NF1: variants seen among roughly 807,000 people sequenced by gnomAD.
NF1 encodes the protein neurofibromin.
In NF1, 122 loss-of-function variants were observed where a neutral mutation model predicts 325.7. The observed-to-expected ratio is 0.37, with a 90% confidence interval of 0.32 to 0.44. The LOEUF (loss-of-function observed/expected upper bound fraction) is 0.44, where lower values mean the gene tolerates loss of function less well. NF1 is among the 20% of genes least tolerant of loss of function. The pLI, the probability that NF1 is intolerant of heterozygous loss-of-function variation, is 1.00. For missense variants in NF1, 2,140 were observed against 3,415.4 expected, an observed-to-expected ratio of 0.63 and a Z score of 9.31; for synonymous variants, 1,091 against 1,186.0, an observed-to-expected ratio of 0.92 and a Z score of 1.65.
Position 31,377,191 on chromosome 17 carries a change from G to A in NF1, c.*3036G>A. ...CAGCCACACAATTTTTTTTAATGCA[G>A]TATATTCACCTGTAAATAGTTTGTG... On this transcript the variant is annotated 3_prime_UTR_variant, in exon 58 of 58. Transcript: ENST00000358273. 4.3e-6 allele frequency: 1 copy of A among 233,228 alleles called. No individual in the cohort carries two copies. Among genetic ancestry groups the A allele is most frequent in the Non-Finnish European group, 8.5e-6 (1 of 117,914 alleles). The allele number at this position is 233,228 out of a possible 1,614,324, so 14.4% of individuals were successfully genotyped here.
At chr17:31,312,222 G>A (rs1489225852) in intron 36 of NF1, among the ~76,000 whole-genome samples, 1 of 152,040 alleles carries the variant, frequency 6.6e-6, no homozygotes, top group African/African-American at 2.4e-5. Flanking sequence ...TTAAAAACAT[G>A]TATGGGACCA....
Position 31,336,310 on chromosome 17 carries a change from T to C in NF1, c.6007-23T>C, listed in dbSNP as rs2151553052. On this transcript the variant is annotated intron_variant, in intron 40 of 57. Transcript: ENST00000358273. This position sits in a 1 kb window ranked among gnomAD's most constrained non-coding sequence, Gnocchi z 5.5. Reference sequence around the variant, plus strand: ...TAAATTGGTAGAGTGATTAAAAACATGTTATTTTCCTTCTTCAACTAGATT... The same window carrying C: ...TAAATTGGTAGAGTGATTAAAAACACGTTATTTTCCTTCTTCAACTAGATT... 1 of 1,612,202 alleles carries C rather than the reference T, an allele frequency of 6.2e-7. No homozygotes were observed. Among genetic ancestry groups the C allele is most frequent in the Non-Finnish European group, 8.5e-7 (1 of 1,178,404 alleles).
At chr17:31,169,701 A>G (rs1362672300) in intron 4 of NF1, among the ~76,000 whole-genome samples, 190 bp from the exon 5 acceptor site, 1 of 152,010 alleles carries the variant, frequency 6.6e-6, no homozygotes, top group Non-Finnish European at 1.5e-5. Flanking sequence ...GTGTGCCATC[A>G]TGCCCAGCTA....
At chr17:31,264,250 T>A (rs899034144) in intron 35 of NF1, among the ~76,000 whole-genome samples, 6 of 151,674 alleles carry the variant, frequency 4.0e-5, no homozygotes, top group Admixed American at 1.3e-4. Context: ...TAAATAAATA[T>A]ATATATATGA....
At chr17:31,367,324 C>T in intron 57 of NF1, 1 of 1,197,258 alleles carries the variant, frequency 8.4e-7, no homozygotes. Context: ...CTGCTTACCC[C>T]ACACTCATCC....
intron 36 of NF1, among the ~76,000 whole-genome samples, chr17:31,271,529 A>G (rs2067896535): frequency 6.6e-6 from 1 of 152,200 alleles, no homozygotes; most frequent in Non-Finnish European, 1.5e-5. Flanking sequence ...AGGCGGGTAG[A>G]TCCCCTGAAG....
chr17:31,195,334 G>T (rs765579551), intron 8 of NF1, among the ~76,000 whole-genome samples: 2 of 151,924 alleles, frequency 1.3e-5, no homozygotes, highest in Non-Finnish European at 2.9e-5. Context: ...TTTTATTTGA[G>T]CTCCCTTATG....
intron 36 of NF1, among the ~76,000 whole-genome samples, chr17:31,283,199 C>T (rs986243228): frequency 2.6e-5 from 4 of 151,980 alleles, no homozygotes; most frequent in Non-Finnish European, 5.9e-5. Context: ...GGGCGGATCA[C>T]GAGGTCAGGA....
intron 1 of NF1, among the ~76,000 whole-genome samples, chr17:31,102,307 A>C (rs766351262): frequency 3.9e-5 from 6 of 151,962 alleles, no homozygotes; most frequent in Non-Finnish European, 8.8e-5. Flanking sequence ...TGAAAAGTCT[A>C]AAATTTTTCT....
In NF1 at chr17:31,360,719, C is replaced by A; in HGVS notation, c.8377+16C>A. The A allele has an allele frequency of 6.3e-7, 1 of 1,585,070 alleles. No homozygotes were observed. The highest frequency in any genetic ancestry group is 8.7e-7 in the Non-Finnish European group (1 of 1,153,528). On this transcript the variant is annotated intron_variant, in intron 57 of 57. Transcript: ENST00000358273. The stretch of plus-strand genomic sequence containing the variant: ...CATTCCCCAGGTCAGTAAATGTGAT[C>A]TTTATATGACTTTGAGCAACAATAT...
At chr17:31,187,888 A>C (rs1567829486) in intron 8 of NF1, among the ~76,000 whole-genome samples, 1 of 152,168 alleles carries the variant, frequency 6.6e-6, no homozygotes, top group Admixed American at 6.5e-5. Context: ...GGCTCCTCCT[A>C]CCTTTAAGTC....
At position 31,265,558 on chromosome 17, in the gene NF1, C is replaced by G. The variant is rs2067771993; in HGVS notation, c.4835+219C>G. Among the ~76,000 whole-genome samples, 4 of 151,548 alleles carry G rather than the reference C, an allele frequency of 2.6e-5. No homozygotes were observed. In the South Asian group the frequency reaches 6.3e-4, roughly 24 times the overall value. On this transcript the variant is annotated intron_variant, in intron 36 of 57. Coordinates refer to ENST00000358273, the MANE Select transcript of NF1 (RefSeq NM_001042492.3). ...ACCCATTTCATATTGCTTACTCTGT[C>G]CTACATCATTTTTTAAAATACTGCC...
In NF1 at chr17:31,374,169, T is replaced by G. The variant is rs1316782072; in HGVS notation, c.*14T>G. On this transcript the variant is annotated 3_prime_UTR_variant, in exon 58 of 58. Transcript: ENST00000358273. Reference sequence around the variant, plus strand: ...AAGATCGTGTGAAGCTTGCTTGCTTTCTTTTTTAAAATCAACTTAACATGG... The same window carrying G: ...AAGATCGTGTGAAGCTTGCTTGCTTGCTTTTTTAAAATCAACTTAACATGG... 2 of 1,613,986 alleles carry G rather than the reference T, an allele frequency of 1.2e-6. No homozygotes were observed. The highest frequency in any genetic ancestry group is 1.7e-6 in the Non-Finnish European group (2 of 1,179,904).
At chr17:31,107,446 G>A (rs2143264872) in intron 1 of NF1, among the ~76,000 whole-genome samples, 1 of 151,948 alleles carries the variant, frequency 6.6e-6, no homozygotes, top group Middle Eastern at 3.4e-3. Flanking sequence ...TAAATTTTTT[G>A]TAGAGACGAG....
intron 36 of NF1, chr17:31,273,538 C>G (rs888531617): frequency 5.3e-5 from 8 of 152,138 alleles, no homozygotes; most frequent in Non-Finnish European, 1.2e-4. Context: ...TTACATTTGG[C>G]TCTAATATGT....
intron 1 of NF1, among the ~76,000 whole-genome samples, chr17:31,131,623 CTAA>C (rs1915400692): frequency 6.6e-6 from 1 of 152,154 alleles, no homozygotes; most frequent in South Asian, 2.1e-4. Flanking sequence ...TTCATGATTT[CTAA>C]TAATTACATT....
At chr17:31,258,098 C>T (rs937114212) in intron 31 of NF1, among the ~76,000 whole-genome samples, 1 of 151,902 alleles carries the variant, frequency 6.6e-6, no homozygotes, top group Admixed American at 6.6e-5. Context: ...TTCTTCTACC[C>T]ATCTCATCCA....
chr17:31,225,538 A>C (rs2066998434), intron 17 of NF1, among the ~76,000 whole-genome samples: 1 of 152,134 alleles, frequency 6.6e-6, no homozygotes, highest in Admixed American at 6.6e-5. Context: ...TATATCTGAT[A>C]ATTATAATTA....
chr17:31,310,086 C>T lies in NF1; in HGVS notation c.4836-15734C>T, dbSNP rs868581221. 3.3e-5 allele frequency among the ~76,000 whole-genome samples: 5 copies of T among 152,052 alleles called. No individual in the cohort carries two copies. The South Asian group carries it at 1.0e-3, about 32-fold the overall frequency. ...TTTTTCCCAGCGGTAATGAGGCCAG[C>T]GTTACTACCAGTGTGGAAGGTTATT... On this transcript the variant is annotated intron_variant, in intron 36 of 57. Transcript: ENST00000358273.
Sources: gnomAD v4.1 joint callset for allele counts (sites outside exome capture counted in the v4.1 genomes callset) on GRCh38, gnomAD v4.1.1 for gene constraint, Gnocchi (gnomAD v3.1) non-coding constraint, MANE v1.5 for transcripts, NCBI Gene and HGNC (gene_info 2026-07-23, HGNC 2026-07-21) for gene names.